Variants in MAPRE3 observed in about 807,000 individuals in gnomAD.
MAPRE3 encodes microtubule associated protein RP/EB family member 3, also known as microtubule-associated protein RP/EB family member 3.
In MAPRE3, 2 loss-of-function variants were observed where a neutral mutation model predicts 30.5. That is an observed-to-expected ratio of 0.07 (90% confidence interval 0.03 to 0.21). MAPRE3 has a LOEUF of 0.21. Among genes scored for constraint, MAPRE3 ranks in the 10% least tolerant of loss-of-function variants. The pLI, the probability that MAPRE3 is intolerant of heterozygous loss-of-function variation, is 1.00. For synonymous variants in MAPRE3, 110 were observed against 127.7 expected (o/e 0.86, Z 0.93); for missense variants, 204 against 351.8 (o/e 0.58, Z 3.36).
intron 1 of MAPRE3, among the ~76,000 whole-genome samples, chr2:27,005,898 G>C (rs2148216105): frequency 6.6e-6 from 1 of 152,298 alleles, no homozygotes; most frequent in Admixed American, 6.5e-5. Context: ...CCAAGAGTGT[G>C]TCGGCCGGGC....
At chr2:27,018,661 T>A (rs1667040737) in intron 1 of MAPRE3, among the ~76,000 whole-genome samples, 2 of 152,160 alleles carry the variant, frequency 1.3e-5, no homozygotes, top group Admixed American at 1.3e-4. Flanking sequence ...CCCTACCCAC[T>A]CTGCCCCTTC....
intron 1 of MAPRE3, among the ~76,000 whole-genome samples, chr2:26,983,280 A>G (rs868502834): frequency 6.6e-6 from 1 of 152,296 alleles, no homozygotes; most frequent in East Asian, 1.9e-4. Context: ...CCAGGAGCCC[A>G]CTGGGTTCCA....
chr2:26,992,229 A>ATTT (rs34619033), intron 1 of MAPRE3, among the ~76,000 whole-genome samples: 1 of 146,688 alleles, frequency 6.8e-6, no homozygotes. Flanking sequence ...TTACCAGATA[A>ATTT]TTTTTTTTTT....
intron 1 of MAPRE3, chr2:27,002,878 T>A (rs376968774): frequency 6.6e-6 from 1 of 152,250 alleles, no homozygotes; most frequent in East Asian, 1.9e-4. Flanking sequence ...ACCTGGGAAC[T>A]GGCCTCTTTC....
rs1228156936 is a variant in MAPRE3 at position 27,022,450 on chromosome 2, G to C, written c.121+111G>C. 14 of 1,363,306 alleles carry C rather than the reference G, an allele frequency of 1.0e-5. No individual in the cohort carries two copies. In the East Asian group the frequency reaches 3.2e-4, roughly 32 times the overall value. 84.5% of individuals were successfully genotyped at this position (1,363,306 alleles called of 1,614,324 possible). On this transcript the variant is annotated intron_variant, in intron 2 of 6. Coordinates refer to ENST00000233121, the MANE Select transcript of MAPRE3 (RefSeq NM_012326.4). ...TACAGTCATGCATGGCTGAATGACT[G>C]ATGTGGCCAGAGAAATGCATCCTTA...
chr2:26,993,378 T>TA (rs992156684), intron 1 of MAPRE3, among the ~76,000 whole-genome samples: 6 of 151,694 alleles, frequency 4.0e-5, no homozygotes, highest in East Asian at 1.9e-4. Context: ...TCAAGAAAAA[T>TA]AAAAAAAATT....
At chr2:27,019,718 C>G (rs1429438577) in intron 1 of MAPRE3, among the ~76,000 whole-genome samples, 1 of 152,082 alleles carries the variant, frequency 6.6e-6, no homozygotes, top group Non-Finnish European at 1.5e-5. Context: ...GGCTTTTTGG[C>G]CCCGCCTGGC....
chr2:26,977,614 C>G (rs1666039640), intron 1 of MAPRE3, among the ~76,000 whole-genome samples: 1 of 152,308 alleles, frequency 6.6e-6, no homozygotes, highest in Non-Finnish European at 1.5e-5. Context: ...AGCTCAGAGG[C>G]CCTTTTTCCT....
intron 1 of MAPRE3, among the ~76,000 whole-genome samples, chr2:26,989,210 T>C (rs1276203376): frequency 2.6e-5 from 4 of 152,206 alleles, no homozygotes; most frequent in Non-Finnish European, 5.9e-5. Flanking sequence ...GAAAAGGCTA[T>C]GTAGAATTTC....
Position 26,995,780 on chromosome 2 carries a change from GGTGTGTGT to G in MAPRE3, c.-8+25021_-8+25028del, listed in dbSNP as rs1276648645. Among the ~76,000 whole-genome samples the G allele has an allele frequency of 3.5e-3, 388 of 109,692 alleles. 2 individuals are homozygous for G. The highest frequency in any genetic ancestry group is 0.012 in the African/African-American group (354 of 28,436). 72.0% of individuals were successfully genotyped at this position (109,692 alleles called of 152,430 possible). On this transcript the variant is annotated intron_variant, in intron 1 of 6. Coordinates refer to ENST00000233121, the MANE Select transcript of MAPRE3 (RefSeq NM_012326.4). ...AATACCTGAGGGTCTTTCTAAGAGA[GGTGTGTGT>G]GTGTGTGTGTGTGTGTGTGTGTGTG...
chr2:26,972,510 C>T (rs1665935451), intron 1 of MAPRE3, among the ~76,000 whole-genome samples: 4 of 152,178 alleles, frequency 2.6e-5, no homozygotes, highest in Admixed American at 2.6e-4. Context: ...GAATGCCAGA[C>T]TGGGGTTTGG....
chr2:26,972,460 A>G (rs1219230802), intron 1 of MAPRE3, among the ~76,000 whole-genome samples: 1 of 152,222 alleles, frequency 6.6e-6, no homozygotes, highest in Non-Finnish European at 1.5e-5. Flanking sequence ...AGTTCAGGAA[A>G]ACTATAGCCC....
intron 1 of MAPRE3, among the ~76,000 whole-genome samples, chr2:27,016,109 C>T (rs1194254423): frequency 6.6e-6 from 1 of 152,212 alleles, no homozygotes; most frequent in Admixed American, 6.5e-5. Context: ...TCAGAGCAGG[C>T]TTTCCCCAAA....
At chr2:26,994,325 G>T (rs1462587831) in intron 1 of MAPRE3, among the ~76,000 whole-genome samples, 1 of 152,184 alleles carries the variant, frequency 6.6e-6, no homozygotes, top group Non-Finnish European at 1.5e-5. Context: ...GGTAATCAGA[G>T]CTTGATTTAT....
In MAPRE3 at chr2:27,019,465, CG is replaced by C. The variant is rs369298536; in HGVS notation, c.-7-2746del. On this transcript the variant is annotated intron_variant, in intron 1 of 6. Coordinates refer to ENST00000233121, the MANE Select transcript of MAPRE3 (RefSeq NM_012326.4). Reference sequence around the variant, plus strand: ...CATGAGGCATCACTCAATGGTTCAACGTTACTGAACGTCTTGCCTGTGACAG... The same window carrying C: ...CATGAGGCATCACTCAATGGTTCAACTTACTGAACGTCTTGCCTGTGACAG... Among the ~76,000 whole-genome samples, 95 of 152,270 alleles carry C rather than the reference CG, an allele frequency of 6.2e-4. 1 individual carries two copies. The highest frequency in any genetic ancestry group is 2.1e-3 in the African/African-American group (89 of 41,550).
At chr2:27,013,724 C>G (rs1265509594) in intron 1 of MAPRE3, 3 of 152,228 alleles carry the variant, frequency 2.0e-5, no homozygotes, top group Non-Finnish European at 2.9e-5. Flanking sequence ...CCAAGGCTGT[C>G]CCTACTCTCT....
chr2:26,972,457 G>C (rs1665933777), intron 1 of MAPRE3, among the ~76,000 whole-genome samples: 1 of 152,214 alleles, frequency 6.6e-6, no homozygotes. Flanking sequence ...TGAAGTTCAG[G>C]AAAACTATAG....
At chr2:26,973,713 G>A (rs1164175990) in intron 1 of MAPRE3, among the ~76,000 whole-genome samples, 22 of 151,884 alleles carry the variant, frequency 1.4e-4, no homozygotes, top group Non-Finnish European at 2.5e-4. Context: ...CCGCCACCGC[G>A]CCCGGCTAAT....
At chr2:26,982,841 C>T (rs1666142367) in intron 1 of MAPRE3, among the ~76,000 whole-genome samples, 1 of 152,162 alleles carries the variant, frequency 6.6e-6, no homozygotes. Context: ...TGCTGTCCAT[C>T]CTTAATGCTA....
Sources: gnomAD v4.1 joint callset for allele counts (sites outside exome capture counted in the v4.1 genomes callset) on GRCh38, gnomAD v4.1.1 for gene constraint, MANE v1.5 for transcripts, NCBI Gene and HGNC (gene_info 2026-07-23, HGNC 2026-07-21) for gene names.